SRGN: variants seen among roughly 807,000 people sequenced by gnomAD.
The protein encoded by SRGN is serglycin.
A neutral mutation model predicts 9.5 loss-of-function variants in SRGN; 2 were observed. That is an observed-to-expected ratio of 0.21 (90% CI 0.09 to 0.66). The LOEUF (loss-of-function observed/expected upper bound fraction) is 0.66. Among genes scored for constraint, SRGN ranks in the 30% least tolerant of loss-of-function variants. The pLI is 0.83. For missense variants in SRGN, 170 were observed against 192.4 expected, an observed-to-expected ratio of 0.88 and a Z score of 0.69; for synonymous variants, 59 against 72.3, an observed-to-expected ratio of 0.82 and a Z score of 0.93.
At chr10:69,097,359 C>A in intron 2 of SRGN, 128 bp downstream of exon 2, 3 of 653,948 alleles carry the variant, frequency 4.6e-6, no homozygotes, top group Non-Finnish European at 2.5e-6. Context: ...CTCCTGGGTT[C>A]AAGCGATTCT....
intron 1 of SRGN, among the ~76,000 whole-genome samples, chr10:69,088,734 A>T (rs1256159513): frequency 2.0e-5 from 3 of 149,758 alleles, no homozygotes; most frequent in Non-Finnish European, 4.4e-5. Flanking sequence ...TTTTTTAAAG[A>T]TAAACTTGGT....
chr10:69,095,876 C>T (rs1404570149), intron 1 of SRGN, among the ~76,000 whole-genome samples: 2 of 151,864 alleles, frequency 1.3e-5, no homozygotes, highest in African/African-American at 4.8e-5. Context: ...CGTGACAGTG[C>T]ACTCCAGCCT....
chr10:69,093,593 C>A (rs1589327045), intron 1 of SRGN, among the ~76,000 whole-genome samples: 1 of 152,238 alleles, frequency 6.6e-6, no homozygotes, highest in Non-Finnish European at 1.5e-5. Context: ...AAGAGTGAAA[C>A]CAGGCCGGGC....
chr10:69,089,105 T>C (rs1839999372), intron 1 of SRGN, among the ~76,000 whole-genome samples: 1 of 152,220 alleles, frequency 6.6e-6, no homozygotes, highest in Non-Finnish European at 1.5e-5. Context: ...TGAGTCACAA[T>C]GACACACATG....
intron 1 of SRGN, among the ~76,000 whole-genome samples, chr10:69,096,248 G>A (rs999161802): frequency 1.3e-5 from 2 of 152,188 alleles, no homozygotes; most frequent in South Asian, 2.1e-4. Context: ...GGGCTTTGGG[G>A]TCAGATGTGG....
rs778280414 is a variant in SRGN, at chr10:69,088,194, C to T, written c.37C>T (p.Leu13=). 3.7e-6 allele frequency: 6 copies of T among 1,614,202 alleles called. No individual in the cohort carries two copies. The Admixed American group carries it at 8.3e-5, about 22-fold the overall frequency. Residue 13 remains leucine, a synonymous_variant, in exon 1 of 3, where the codon CTG becomes TTG. Transcript: ENST00000242465. ...GCTACTCAAATGCAGTCGGCTTGTC[C>T]TGGCTCTTGCCCTCATCCTGGTTCT... ...QKLLKCSRLV[L]ALALILVLES...
rs192667150 is a variant in SRGN, at chr10:69,095,772, C to T, written c.80-1312C>T. ...CTAAAAATACTAAAAATTAGCTGGG[C>T]GTGGTGGTGAGTGCCTGTAATCCCA... On this transcript the variant is annotated intron_variant, in intron 1 of 2. Coordinates refer to ENST00000242465, the MANE Select transcript of SRGN (RefSeq NM_002727.4). Among the ~76,000 whole-genome samples, 725 of 151,892 alleles carry T rather than the reference C, an allele frequency of 4.8e-3. 7 individuals are homozygous for T. Among genetic ancestry groups the T allele is most frequent in the African/African-American group, 0.017 (702 of 41,432 alleles).
intron 1 of SRGN, among the ~76,000 whole-genome samples, chr10:69,091,607 A>G (rs1186566126): frequency 2.0e-5 from 3 of 152,090 alleles, no homozygotes; most frequent in Non-Finnish European, 2.9e-5. Flanking sequence ...GGCTCGGTAC[A>G]GTGGCTCACG....
At chr10:69,090,104 C>T (rs1298515560) in intron 1 of SRGN, among the ~76,000 whole-genome samples, 1 of 152,128 alleles carries the variant, frequency 6.6e-6, no homozygotes, top group African/African-American at 2.4e-5. Flanking sequence ...GTATCGGGCT[C>T]AAGGGCTTGT....
chr10:69,096,966 C>G (rs1422663282), intron 1 of SRGN, 118 bp from the exon 2 acceptor site: 2 of 1,059,946 alleles, frequency 1.9e-6, no homozygotes, highest in Non-Finnish European at 2.7e-6. Flanking sequence ...TGCACTCCAG[C>G]TTGGGCAGCC....
chr10:69,102,235 G>A (rs564934703), intron 2 of SRGN, among the ~76,000 whole-genome samples: 4 of 152,036 alleles, frequency 2.6e-5, no homozygotes, highest in Non-Finnish European at 4.4e-5. Flanking sequence ...TTCTCTCGAC[G>A]ACCTCCATCG....
chr10:69,090,312 A>G (rs751974600), intron 1 of SRGN, among the ~76,000 whole-genome samples: 2 of 152,256 alleles, frequency 1.3e-5, no homozygotes, highest in South Asian at 2.1e-4. Flanking sequence ...GATGAAATCA[A>G]CTAGGCTTTT....
intron 1 of SRGN, among the ~76,000 whole-genome samples, chr10:69,094,886 G>A (rs1271231626): frequency 1.3e-5 from 2 of 151,430 alleles, no homozygotes; most frequent in Non-Finnish European, 2.9e-5. Flanking sequence ...TCAGGCATGA[G>A]CTACCACACC....
chr10:69,090,628 C>T (rs1324834307), intron 1 of SRGN, among the ~76,000 whole-genome samples: 3 of 152,294 alleles, frequency 2.0e-5, no homozygotes, highest in African/African-American at 4.8e-5. Context: ...CCCTAATGGC[C>T]TCATCTTAAC....
intron 2 of SRGN, among the ~76,000 whole-genome samples, chr10:69,099,391 G>C (rs1047674374): frequency 6.7e-6 from 1 of 149,472 alleles, no homozygotes; most frequent in Non-Finnish European, 1.5e-5. Context: ...CTGCAGCCTC[G>C]AACTCCTCAA....
At position 69,104,652 on chromosome 10, in the gene SRGN, C is replaced by T. The variant is rs1365369475; in HGVS notation, c.*532C>T. The T allele has an allele frequency of 6.6e-6, 1 of 152,242 alleles. No homozygotes were observed. The highest frequency in any genetic ancestry group is 1.9e-4 in the East Asian group (1 of 5,200). 9.4% of individuals were successfully genotyped at this position (152,242 alleles called of 1,614,324 possible). A position where few individuals can be genotyped will look rare whatever the true frequency, so the allele number is the denominator to read the frequency against. On this transcript the variant is annotated 3_prime_UTR_variant, in exon 3 of 3. Transcript: ENST00000242465. Reference sequence around the variant, plus strand: ...TTGCAGAGCTAGTGGATGTGTTTGTCTACAAGTATGATTGCTGTTACATAA... The same window carrying T: ...TTGCAGAGCTAGTGGATGTGTTTGTTTACAAGTATGATTGCTGTTACATAA...
intron 2 of SRGN, among the ~76,000 whole-genome samples, chr10:69,102,348 T>C (rs1244721130): frequency 1.3e-5 from 2 of 152,220 alleles, no homozygotes; most frequent in Non-Finnish European, 2.9e-5. Flanking sequence ...TTCATTTCTC[T>C]GTGCCACCTA....
chr10:69,101,993 G>A (rs1004391937), intron 2 of SRGN, among the ~76,000 whole-genome samples: 2 of 152,032 alleles, frequency 1.3e-5, no homozygotes, highest in South Asian at 4.1e-4. Flanking sequence ...AGGCTGCAGT[G>A]AGCCATGATC....
chr10:69,088,373 T>C (rs1839981875), intron 1 of SRGN, 137 bp downstream of exon 1: 2 of 719,434 alleles, frequency 2.8e-6, no homozygotes, highest in East Asian at 5.4e-5. Flanking sequence ...TTGGGGTCGC[T>C]GAACCCTTTA....
Sources: allele counts gnomAD v4.1 joint callset (sites outside exome capture counted in the v4.1 genomes callset), GRCh38; gene constraint gnomAD v4.1.1; transcripts MANE v1.5; gene names NCBI Gene and HGNC (gene_info 2026-07-23, HGNC 2026-07-21).